PIK3C2G: variants seen among roughly 807,000 people sequenced by gnomAD.
PIK3C2G encodes the protein phosphatidylinositol 3-kinase C2 domain-containing subunit gamma.
A neutral mutation model predicts 181.1 loss-of-function variants in PIK3C2G; 168 were observed. The ratio of observed to expected loss-of-function variants is 0.93; its 90% CI spans 0.82 to 1.05. The LOEUF (loss-of-function observed/expected upper bound fraction) is 1.05, where lower values mean the gene tolerates loss of function less well. Among genes scored for constraint, PIK3C2G ranks in the 50% least tolerant of loss-of-function variants. The pLI, the probability that PIK3C2G is intolerant of heterozygous loss-of-function variation, is 0.00. For missense variants in PIK3C2G, 1,869 were observed against 1,732.8 expected (o/e 1.08, Z -1.40); for synonymous variants, 573 against 592.2 (o/e 0.97, Z 0.47).
chr12:18,372,282 C>T (rs910193205), intron 13 of PIK3C2G, among the ~76,000 whole-genome samples: 1 of 151,520 alleles, frequency 6.6e-6, no homozygotes, highest in Non-Finnish European at 1.5e-5. Flanking sequence ...ACCATTGTTC[C>T]TTGAGGACAG....
At chr12:18,659,846 A>G in the PIK3C2G span, among the ~76,000 whole-genome samples, 3 of 152,122 alleles carry the variant, frequency 2.0e-5, no homozygotes, top group Admixed American at 6.6e-5. Context: ...CTCCCAGATA[A>G]AAACTGAGAC....
intron 30 of PIK3C2G, among the ~76,000 whole-genome samples, chr12:18,606,060 A>G (rs1458650197): frequency 6.6e-6 from 1 of 152,112 alleles, no homozygotes; most frequent in African/African-American, 2.4e-5. Context: ...CTCTACTCCT[A>G]CTGCTACATT....
At chr12:18,638,404 T>C (rs961568937) in intron 31 of PIK3C2G, among the ~76,000 whole-genome samples, 65 of 152,286 alleles carry the variant, frequency 4.3e-4, no homozygotes, top group African/African-American at 1.5e-3. Context: ...AGGAGCTCCA[T>C]GTTCCAAACT....
intron 31 of PIK3C2G, among the ~76,000 whole-genome samples, chr12:18,612,554 T>C (rs1948397920): frequency 6.6e-6 from 1 of 152,160 alleles, no homozygotes; most frequent in African/African-American, 2.4e-5. Context: ...AGCAAAGTTA[T>C]GCATTGCATT....
chr12:18,481,711 C>G (rs1386452932), intron 18 of PIK3C2G, among the ~76,000 whole-genome samples: 1 of 151,880 alleles, frequency 6.6e-6, no homozygotes, highest in Admixed American at 6.6e-5. Flanking sequence ...ACAAAATAAG[C>G]CCAGATCTGG....
At chr12:18,486,619 T>C (rs914686662) in intron 18 of PIK3C2G, among the ~76,000 whole-genome samples, 3 of 152,040 alleles carry the variant, frequency 2.0e-5, no homozygotes, top group African/African-American at 4.8e-5. Flanking sequence ...AGTTGGGTAG[T>C]CATAGAGTTA....
At chr12:18,302,653 T>G (rs1163889927) in intron 5 of PIK3C2G, among the ~76,000 whole-genome samples, 1 of 152,076 alleles carries the variant, frequency 6.6e-6, no homozygotes, top group Admixed American at 6.5e-5. Flanking sequence ...GTGGGTCTTT[T>G]GTCAGGCCAT....
At chr12:18,460,598 T>G (rs981243198) in intron 18 of PIK3C2G, among the ~76,000 whole-genome samples, 1 of 144,574 alleles carries the variant, frequency 6.9e-6, no homozygotes, top group African/African-American at 2.6e-5. Context: ...TAAATAAATA[T>G]AAATAAAAAG....
chr12:18,683,537 C>G, the PIK3C2G span: 1 of 1,507,756 alleles, frequency 6.6e-7, no homozygotes, highest in Non-Finnish European at 8.9e-7. Flanking sequence ...GAATACACAG[C>G]TCATACTTCT....
At chr12:18,694,924 T>C in the PIK3C2G span, 3 of 1,596,646 alleles carry the variant, frequency 1.9e-6, no homozygotes, top group African/African-American at 2.7e-5. Context: ...ATTGTAAGTG[T>C]AATTGGCATA....
chr12:18,399,900 A>C (rs567366895), intron 16 of PIK3C2G, 53 bp downstream of exon 16: 238 of 1,122,674 alleles, frequency 2.1e-4, no homozygotes, highest in Admixed American at 7.7e-4. Context: ...ACTTGCTTGA[A>C]GAGAACTATA....
At chr12:18,423,717 T>C (rs1945619858) in intron 17 of PIK3C2G, among the ~76,000 whole-genome samples, 1 of 152,154 alleles carries the variant, frequency 6.6e-6, no homozygotes, top group South Asian at 2.1e-4. Context: ...TTATTTCTTA[T>C]CCATATACAA....
At chr12:18,458,552 C>A (rs1012312791) in intron 18 of PIK3C2G, among the ~76,000 whole-genome samples, 5 of 152,006 alleles carry the variant, frequency 3.3e-5, no homozygotes, top group African/African-American at 1.2e-4. Flanking sequence ...CTAGCCAGAT[C>A]CCCTGCCCTA....
chr12:18,535,769 C>G (rs1015370102), intron 24 of PIK3C2G, among the ~76,000 whole-genome samples: 1 of 152,060 alleles, frequency 6.6e-6, no homozygotes, highest in South Asian at 2.1e-4. Context: ...TTATGAAAAT[C>G]TATGATATTG....
intron 5 of PIK3C2G, among the ~76,000 whole-genome samples, chr12:18,311,696 T>C (rs1950645193): frequency 6.6e-6 from 1 of 152,064 alleles, no homozygotes; most frequent in African/African-American, 2.4e-5. Flanking sequence ...ATTGTTTCTC[T>C]GTAATTTATA....
the PIK3C2G span, among the ~76,000 whole-genome samples, chr12:18,722,586 T>A: frequency 6.6e-6 from 1 of 152,122 alleles, no homozygotes; most frequent in Non-Finnish European, 1.5e-5. Context: ...GCTTTAACAA[T>A]GTTTTGGTAC....
intron 22 of PIK3C2G, 22 bp downstream of exon 22, chr12:18,497,770 C>A: frequency 1.3e-6 from 2 of 1,539,068 alleles, no homozygotes; most frequent in Non-Finnish European, 1.8e-6. Flanking sequence ...TTAGAAAGTG[C>A]GCTGGCTCAC....
At chr12:18,421,234 GA>G (rs200800062) in intron 17 of PIK3C2G, among the ~76,000 whole-genome samples, 200 bp downstream of exon 17, 2 of 150,312 alleles carry the variant, frequency 1.3e-5, no homozygotes, top group Admixed American at 6.6e-5. Context: ...TTCCAAAAAG[GA>G]AAATTTTTTA....
chr12:18,526,773 C>T (rs1423587796), intron 24 of PIK3C2G, among the ~76,000 whole-genome samples: 1 of 152,070 alleles, frequency 6.6e-6, no homozygotes, highest in Non-Finnish European at 1.5e-5. Context: ...TGTTACAAAG[C>T]GCTCTCACTT....
Sources: gnomAD v4.1 joint callset for allele counts (sites outside exome capture counted in the v4.1 genomes callset) on GRCh38, gnomAD v4.1.1 for gene constraint, MANE v1.5 for transcripts, NCBI Gene and HGNC (gene_info 2026-07-23, HGNC 2026-07-21) for gene names.